IQGAP2: variants seen among roughly 807,000 people sequenced by gnomAD.
The protein encoded by IQGAP2 is ras GTPase-activating-like protein IQGAP2.
In IQGAP2, 173 loss-of-function variants were observed where a neutral mutation model predicts 201.3. The ratio of observed to expected loss-of-function variants is 0.86; its 90% CI spans 0.76 to 0.98. The LOEUF (loss-of-function observed/expected upper bound fraction) is 0.98, where lower values mean the gene tolerates loss of function less well. Among genes scored for constraint, IQGAP2 ranks in the 50% least tolerant of loss-of-function variants. The pLI is 0.00. For synonymous variants in IQGAP2, 675 were observed against 673.9 expected (o/e 1.00, Z -0.03); for missense variants, 1,687 against 1,864.8 (o/e 0.90, Z 1.76).
chr5:76,695,393 C>T, intron 31 of IQGAP2, 61 bp from the exon 32 acceptor site: 2 of 1,401,796 alleles, frequency 1.4e-6, no homozygotes, highest in Non-Finnish European at 2.0e-6. Flanking sequence ...CATTGTGTAG[C>T]TTATGAACTG....
At chr5:76,628,654 G>C (rs546205471) in intron 14 of IQGAP2, 2 of 455,256 alleles carry the variant, frequency 4.4e-6, no homozygotes, top group Admixed American at 2.4e-5. Context: ...GTCAGAGAAG[G>C]TTCTTAAGAT....
rs1193743303 is a variant in IQGAP2, at chr5:76,575,767, G to A, written c.456G>A (p.Leu152=). The A allele has an allele frequency of 3.2e-6, 5 of 1,548,152 alleles. No individual in the cohort carries two copies. The South Asian group carries it at 5.0e-5, about 15-fold the overall frequency. ...IPRMIYCIHA[L]SLYLFKLGIA... The stretch of plus-strand genomic sequence containing the variant: ...GAATGATATATTGCATTCACGCACT[G>A]AGGTAGGGGGAAAATGCAGCTAAAA... Residue 152 remains leucine (L), a splice_region_variant and synonymous_variant, in exon 5 of 36, where the codon CTG becomes CTA. Transcript: ENST00000274364.
At chr5:76,462,390 ATTGACTCT>A (rs1161538905) in intron 2 of IQGAP2, among the ~76,000 whole-genome samples, 1 of 152,176 alleles carries the variant, frequency 6.6e-6, no homozygotes, top group Non-Finnish European at 1.5e-5. Context: ...CTAAAATCAC[ATTGACTCT>A]TTTAGGCTTT....
chr5:76,546,461 T>G (rs1321833495), intron 2 of IQGAP2, among the ~76,000 whole-genome samples: 2 of 152,032 alleles, frequency 1.3e-5, no homozygotes, highest in Non-Finnish European at 2.9e-5. Flanking sequence ...ACACCACTTT[T>G]TATTTGTAGT....
At chr5:76,653,944 T>C (rs1752708583) in intron 18 of IQGAP2, among the ~76,000 whole-genome samples, 1 of 152,224 alleles carries the variant, frequency 6.6e-6, no homozygotes, top group Non-Finnish European at 1.5e-5. Context: ...AGTTAAATTA[T>C]TTTCCCCACT....
intron 8 of IQGAP2, among the ~76,000 whole-genome samples, chr5:76,592,099 T>C (rs1746701710): frequency 6.6e-6 from 1 of 152,204 alleles, no homozygotes; most frequent in Non-Finnish European, 1.5e-5. Context: ...TCTCTCTGCC[T>C]CCTGTTACTC....
intron 2 of IQGAP2, among the ~76,000 whole-genome samples, chr5:76,517,078 A>G (rs1464581454): frequency 6.6e-6 from 1 of 152,156 alleles, no homozygotes; most frequent in Non-Finnish European, 1.5e-5. Flanking sequence ...GAGACCAACT[A>G]CTGGTAGTCA....
chr5:76,662,254 C>T (rs1308568913), intron 21 of IQGAP2, among the ~76,000 whole-genome samples: 1 of 152,228 alleles, frequency 6.6e-6, no homozygotes, highest in Non-Finnish European at 1.5e-5. Context: ...AGCACAGCCA[C>T]CGGCCCGTCC....
At chr5:76,434,974 G>T (rs1327397832) in intron 1 of IQGAP2, among the ~76,000 whole-genome samples, 1 of 151,500 alleles carries the variant, frequency 6.6e-6, no homozygotes, top group Admixed American at 6.6e-5. Flanking sequence ...ATTTTTTCAT[G>T]TGTTTGTTGG....
Position 76,508,487 on chromosome 5 carries a change from G to A in IQGAP2, c.146+46818G>A, listed in dbSNP as rs185497915. ...TACGTCTTAGAATGGCCTTTATGAT[G>A]GGCTGGTACAGAGGGTGGCTTCCAG... On this transcript the variant is annotated intron_variant, in intron 2 of 35. Transcript: ENST00000274364. 5.3e-5 allele frequency among the ~76,000 whole-genome samples: 8 copies of A among 152,154 alleles called. No individual in the cohort carries two copies. In the East Asian group the frequency reaches 1.5e-3, roughly 29 times the overall value.
chr5:76,638,896 G>C (rs1195931712), intron 16 of IQGAP2, among the ~76,000 whole-genome samples: 1 of 152,192 alleles, frequency 6.6e-6, no homozygotes, highest in Non-Finnish European at 1.5e-5. Context: ...GTCTGAAGTT[G>C]GTGGGCAGCC....
intron 21 of IQGAP2, among the ~76,000 whole-genome samples, chr5:76,660,558 T>C (rs1743159379): frequency 6.6e-6 from 1 of 152,232 alleles, no homozygotes; most frequent in Admixed American, 6.5e-5. Context: ...TGCAAATCAG[T>C]ACATAGTTTA....
chr5:76,438,559 C>T (rs1752850001), intron 1 of IQGAP2, among the ~76,000 whole-genome samples: 1 of 152,130 alleles, frequency 6.6e-6, no homozygotes, highest in Non-Finnish European at 1.5e-5. Context: ...TCTCCTGCTT[C>T]AGCCTCCCGA....
Position 76,658,691 on chromosome 5 carries a change from C to G in IQGAP2, c.2529+24C>G, listed in dbSNP as rs750802384. The G allele has an allele frequency of 6.3e-6, 10 of 1,594,344 alleles. No homozygotes were observed. The South Asian group carries it at 1.1e-4, about 18-fold the overall frequency. On this transcript the variant is annotated intron_variant, in intron 21 of 35. Transcript: ENST00000274364. ...AGGTCAGTGGGGTTTTTGGGACTGTCAGCTCCCAGAAGAGGGAAGACGCCT... is the reference window on the plus strand; with the variant it reads ...AGGTCAGTGGGGTTTTTGGGACTGTGAGCTCCCAGAAGAGGGAAGACGCCT...
chr5:76,693,289 G>A, intron 30 of IQGAP2, 66 bp from the exon 31 acceptor site: 5 of 1,050,724 alleles, frequency 4.8e-6, no homozygotes, highest in Non-Finnish European at 7.2e-6. Context: ...ACTCTCTTAG[G>A]AGAAACAGAT....
chr5:76,608,339 G>A (rs1400527508), intron 12 of IQGAP2, among the ~76,000 whole-genome samples: 1 of 152,048 alleles, frequency 6.6e-6, no homozygotes. Flanking sequence ...CTGGAATTTG[G>A]GAACTTTAAT....
At chr5:76,500,154 G>A (rs1204235141) in intron 2 of IQGAP2, among the ~76,000 whole-genome samples, 1 of 151,690 alleles carries the variant, frequency 6.6e-6, no homozygotes, top group Non-Finnish European at 1.5e-5. Flanking sequence ...TTGAAAGGGG[G>A]AAAAAAAGCC....
At chr5:76,474,309 A>G (rs1242539939) in intron 2 of IQGAP2, among the ~76,000 whole-genome samples, 1 of 152,228 alleles carries the variant, frequency 6.6e-6, no homozygotes, top group Non-Finnish European at 1.5e-5. Context: ...GAGTAGTAAA[A>G]GTAGAAAGCT....
intron 2 of IQGAP2, among the ~76,000 whole-genome samples, chr5:76,505,536 A>G (rs1757565208): frequency 6.6e-6 from 1 of 152,172 alleles, no homozygotes; most frequent in Middle Eastern, 3.2e-3. Context: ...TACCGATGCT[A>G]ATTTCCTTAG....
Sources: gnomAD v4.1 joint callset for allele counts (sites outside exome capture counted in the v4.1 genomes callset) on GRCh38, gnomAD v4.1.1 for gene constraint, MANE v1.5 for transcripts, NCBI Gene and HGNC (gene_info 2026-07-23, HGNC 2026-07-21) for gene names.